DOCK4: variants seen among roughly 807,000 people sequenced by gnomAD.
DOCK4 encodes dedicator of cytokinesis protein 4.
DOCK4 carries 97 observed loss-of-function variants against 268.1 expected under a neutral mutation model. The observed-to-expected ratio is 0.36, with a 90% CI of 0.31 to 0.43. DOCK4 has a LOEUF of 0.43. DOCK4 is among the 20% of genes least tolerant of loss of function. DOCK4 has a pLI of 1.00. For synonymous variants in DOCK4, 954 were observed against 887.2 expected (o/e 1.08, Z -1.34); for missense variants, 2,145 against 2,455.7 (o/e 0.87, Z 2.67).
intron 17 of DOCK4, among the ~76,000 whole-genome samples, chr7:111,876,827 T>A (rs576552371): frequency 6.6e-6 from 1 of 151,772 alleles, no homozygotes; most frequent in East Asian, 1.9e-4. Context: ...AATACTGGGA[T>A]AATTCTGAAG....
At position 112,038,729 on chromosome 7, in the gene DOCK4, C is replaced by A. The variant is rs190293125; in HGVS notation, c.38-34598G>T. Among the ~76,000 whole-genome samples, 9 of 152,288 alleles carry A rather than the reference C, an allele frequency of 5.9e-5. No individual in the cohort carries two copies. The East Asian group carries it at 1.5e-3, about 26-fold the overall frequency. On this transcript the variant is annotated intron_variant, in intron 1 of 52. Transcript: ENST00000428084. ...AAAAGTAAAATGCTAGGAGAAGAAG[C>A]TAGATAATTCTCAAAGAAGTCAAAC...
chr7:112,030,056 C>T lies in DOCK4; in HGVS notation c.38-25925G>A, dbSNP rs1348416977. Among the ~76,000 whole-genome samples the T allele has an allele frequency of 2.0e-5, 3 of 152,154 alleles. No homozygotes were observed. The East Asian group carries it at 5.8e-4, about 29-fold the overall frequency. On this transcript the variant is annotated intron_variant, in intron 1 of 52. Coordinates refer to ENST00000428084, the MANE Select transcript of DOCK4 (RefSeq NM_001363540.2). The stretch of plus-strand genomic sequence containing the variant: ...ATGAAAACTTCATGGTATCAAGAAC[C>T]CTGCTACTGGCATGTCACATCTCCA...
chr7:111,886,160 A>T (rs1389022342), intron 16 of DOCK4, among the ~76,000 whole-genome samples: 1 of 152,194 alleles, frequency 6.6e-6, no homozygotes, highest in African/African-American at 2.4e-5. Flanking sequence ...AGGGGTCTGT[A>T]ACTTGTGAAA....
intron 12 of DOCK4, chr7:111,935,217 G>C (rs1004488311): frequency 2.7e-6 from 1 of 366,194 alleles, no homozygotes; most frequent in Non-Finnish European, 5.3e-6. Flanking sequence ...CAAAGTGCTG[G>C]GATTACAGGC....
chr7:111,980,797 G>A (rs1798551353), intron 7 of DOCK4, among the ~76,000 whole-genome samples: 1 of 152,202 alleles, frequency 6.6e-6, no homozygotes, highest in African/African-American at 2.4e-5. Flanking sequence ...TCTGAGATCT[G>A]CTAGTCTAAC....
chr7:111,984,301 C>T lies in DOCK4; in HGVS notation c.549+5G>A. ...AGACTGGAAGCCAAGATTTCCTGTA[C>T]CTACCAATCGGTAGAGCTCAGTAAT... is the stretch of plus-strand genomic sequence containing the variant. On this transcript the variant is annotated splice_donor_5th_base_variant and intron_variant, in intron 7 of 52. Coordinates refer to ENST00000428084, the MANE Select transcript of DOCK4 (RefSeq NM_001363540.2). The T allele has an allele frequency of 6.2e-7, 1 of 1,608,876 alleles. No individual in the cohort carries two copies. Among genetic ancestry groups the T allele is most frequent in the Non-Finnish European group, 8.5e-7 (1 of 1,177,608 alleles).
At chr7:111,944,748 A>G in intron 10 of DOCK4, 63 bp downstream of exon 10, 1 of 1,442,208 alleles carries the variant, frequency 6.9e-7, no homozygotes, top group South Asian at 1.2e-5. Flanking sequence ...ACAACATAGA[A>G]ACCTCTTGGC....
intron 1 of DOCK4, among the ~76,000 whole-genome samples, chr7:112,136,470 T>C (rs534826401): frequency 7.9e-4 from 121 of 152,338 alleles, no homozygotes; most frequent in African/African-American, 2.7e-3. Context: ...CAAAATGCCA[T>C]AATTCACTCG....
intron 16 of DOCK4, among the ~76,000 whole-genome samples, chr7:111,878,991 GGTGA>G (rs1476167193): frequency 6.6e-6 from 1 of 151,916 alleles, no homozygotes; most frequent in Non-Finnish European, 1.5e-5. Flanking sequence ...CACCTGCTGG[GGTGA>G]GTAAGGGAAT....
intron 12 of DOCK4, among the ~76,000 whole-genome samples, chr7:111,929,662 T>TA (rs970700794): frequency 1.3e-5 from 2 of 152,070 alleles, no homozygotes; most frequent in Non-Finnish European, 2.9e-5. Context: ...CTCAGCCAAA[T>TA]AAAAAACACC....
At chr7:111,878,686 T>A (rs1206281842) in intron 16 of DOCK4, among the ~76,000 whole-genome samples, 1 of 151,920 alleles carries the variant, frequency 6.6e-6, no homozygotes, top group Non-Finnish European at 1.5e-5. Context: ...ACTTGGGGAC[T>A]TTACATTGAA....
At chr7:112,055,732 A>G (rs1427640553) in intron 1 of DOCK4, among the ~76,000 whole-genome samples, 1 of 151,844 alleles carries the variant, frequency 6.6e-6, no homozygotes, top group Non-Finnish European at 1.5e-5. Flanking sequence ...ATGTGGTGAA[A>G]CCCCGTCTCT....
chr7:111,783,016 A>ACC, intron 34 of DOCK4, 92 bp from the exon 35 acceptor site: 1 of 1,049,426 alleles, frequency 9.5e-7, no homozygotes, highest in Non-Finnish European at 1.4e-6. Context: ...GAAAGAAAGA[A>ACC]AGAAAAAAAA....
chr7:112,186,216 C>T (rs1819486634), intron 1 of DOCK4, among the ~76,000 whole-genome samples: 1 of 152,214 alleles, frequency 6.6e-6, no homozygotes, highest in Non-Finnish European at 1.5e-5. Flanking sequence ...GGAACCTGTG[C>T]TTCAATATTT....
intron 8 of DOCK4, 118 bp downstream of exon 8, chr7:111,977,014 G>A: frequency 1.6e-6 from 2 of 1,233,342 alleles, no homozygotes. Flanking sequence ...CTACTGGTGA[G>A]AAAATTGAAG....
At chr7:112,066,706 T>TAC (rs1563052337) in intron 1 of DOCK4, among the ~76,000 whole-genome samples, 3 of 58,840 alleles carry the variant, frequency 5.1e-5, no homozygotes, top group African/African-American at 1.7e-4. Flanking sequence ...TATATATATA[T>TAC]ATATATATAT....
chr7:112,196,651 G>A (rs1323580915), intron 1 of DOCK4, among the ~76,000 whole-genome samples: 2 of 152,124 alleles, frequency 1.3e-5, no homozygotes, highest in Admixed American at 6.5e-5. Context: ...CAGAGAGTGG[G>A]GAAGGGGCAA....
intron 1 of DOCK4, among the ~76,000 whole-genome samples, chr7:112,132,015 G>T (rs1436979411): frequency 6.6e-6 from 1 of 152,170 alleles, no homozygotes; most frequent in Non-Finnish European, 1.5e-5. Flanking sequence ...AGCCTGAAAG[G>T]CTTTCAAAAA....
At chr7:111,917,299 A>C (rs146919998) in intron 12 of DOCK4, among the ~76,000 whole-genome samples, 75 of 152,136 alleles carry the variant, frequency 4.9e-4, no homozygotes, top group African/African-American at 1.7e-3. Context: ...ATGCTTTAAA[A>C]TAAGAAGGAC....
Sources: allele counts gnomAD v4.1 joint callset (sites outside exome capture counted in the v4.1 genomes callset), GRCh38; gene constraint gnomAD v4.1.1; transcripts MANE v1.5; gene names NCBI Gene and HGNC (gene_info 2026-07-23, HGNC 2026-07-21).